IKZF3: variants seen among roughly 807,000 people sequenced by gnomAD.
The protein encoded by IKZF3 is IKAROS family zinc finger 3, also known as zinc finger protein Aiolos.
A neutral mutation model predicts 49.0 loss-of-function variants in IKZF3; 10 were observed. The observed-to-expected ratio is 0.20, with a 90% CI of 0.13 to 0.35. The LOEUF (loss-of-function observed/expected upper bound fraction) is 0.35, where lower values mean the gene tolerates loss of function less well. Among genes scored for constraint, IKZF3 ranks in the 10% least tolerant of loss-of-function variants. The probability of loss-of-function intolerance (pLI) is 1.00; values close to 1 mark genes in which losing one functional copy is unlikely to be tolerated. For missense variants in IKZF3, 498 were observed against 664.8 expected, an observed-to-expected ratio of 0.75 and a Z score of 2.76; for synonymous variants, 209 against 228.2, an observed-to-expected ratio of 0.92 and a Z score of 0.76.
At chr17:39,861,211 C>A (rs999273207) in intron 1 of IKZF3, among the ~76,000 whole-genome samples, 6 of 152,140 alleles carry the variant, frequency 3.9e-5, no homozygotes, top group African/African-American at 1.4e-4. Flanking sequence ...GGAATAAACA[C>A]CTACATCAAT....
At chr17:39,776,299 ATAAGGCAAGC>A (rs1167661846) in intron 7 of IKZF3, among the ~76,000 whole-genome samples, 1 of 152,234 alleles carries the variant, frequency 6.6e-6, no homozygotes, top group Non-Finnish European at 1.5e-5. Context: ...ACTCAGAATA[ATAAGGCAAGC>A]TTTCTTTTGT....
intron 1 of IKZF3, among the ~76,000 whole-genome samples, chr17:39,851,921 T>A (rs1250443891): frequency 2.0e-5 from 3 of 152,144 alleles, no homozygotes; most frequent in Non-Finnish European, 4.4e-5. Context: ...TCTCAAGAGT[T>A]TCTCATGATT....
intron 1 of IKZF3, among the ~76,000 whole-genome samples, chr17:39,841,420 G>T (rs952974926): frequency 1.2e-4 from 18 of 152,082 alleles, no homozygotes; most frequent in African/African-American, 4.3e-4. Context: ...AACTCGAGTG[G>T]GGTGAAGAGG....
intron 4 of IKZF3, among the ~76,000 whole-genome samples, chr17:39,792,127 G>A (rs75796795): frequency 0.035 from 5,374 of 152,034 alleles, 331 homozygotes; most frequent in African/African-American, 0.12. Flanking sequence ...GTCCTTACAA[G>A]GTGTTGAGGG....
intron 1 of IKZF3, among the ~76,000 whole-genome samples, chr17:39,856,725 G>C (rs986104324): frequency 6.6e-6 from 1 of 151,776 alleles, no homozygotes; most frequent in Admixed American, 6.6e-5. Context: ...AGAATTGCTT[G>C]AACCTGGGAG....
intron 3 of IKZF3, among the ~76,000 whole-genome samples, chr17:39,799,698 A>C (rs920245611): frequency 5.3e-5 from 8 of 152,198 alleles, no homozygotes; most frequent in Non-Finnish European, 1.2e-4. Flanking sequence ...CAACATGACT[A>C]ATCACAGTTC....
intron 1 of IKZF3, chr17:39,834,914 C>A (rs990803407): frequency 1.1e-5 from 4 of 348,248 alleles, no homozygotes; most frequent in African/African-American, 8.7e-5. Flanking sequence ...TCCACAGGCT[C>A]TGGAGAAGCC....
intron 6 of IKZF3, among the ~76,000 whole-genome samples, chr17:39,787,462 C>T (rs1231401119): frequency 6.6e-6 from 1 of 152,156 alleles, no homozygotes; most frequent in Admixed American, 6.5e-5. Context: ...AAAGAAAATC[C>T]TTGTAGTTTT....
At position 39,765,729 on chromosome 17, in the gene IKZF3, G is replaced by C; in HGVS notation, c.*61C>G. On this transcript the variant is annotated 3_prime_UTR_variant, in exon 8 of 8. Transcript: ENST00000346872. The stretch of plus-strand genomic sequence containing the variant: ...ATGTTTTGAGAGCAATCTGTTAGGC[G>C]AGGTCATTGGTTTTTAGAAACGATG... 7.9e-7 allele frequency: 1 copy of C among 1,265,972 alleles called. No homozygotes were observed. Among genetic ancestry groups the C allele is most frequent in the Non-Finnish European group, 1.1e-6 (1 of 897,914 alleles). 78.4% of individuals were successfully genotyped at this position (1,265,972 alleles called of 1,614,324 possible).
chr17:39,853,842 A>G (rs958269957), intron 1 of IKZF3, among the ~76,000 whole-genome samples: 3 of 151,940 alleles, frequency 2.0e-5, no homozygotes, highest in Non-Finnish European at 4.4e-5. Flanking sequence ...CTAAAAAAAA[A>G]AAAAAGGAAG....
intron 1 of IKZF3, among the ~76,000 whole-genome samples, chr17:39,847,597 C>T (rs1322236353): frequency 6.6e-6 from 1 of 152,140 alleles, no homozygotes; most frequent in African/African-American, 2.4e-5. Flanking sequence ...AGTTTCCTGA[C>T]CATGGTGAGA....
chr17:39,803,788 C>T (rs1410553662), intron 3 of IKZF3, among the ~76,000 whole-genome samples: 1 of 152,144 alleles, frequency 6.6e-6, no homozygotes, highest in East Asian at 1.9e-4. Context: ...GCTAGGATTA[C>T]AGGCGTGAGC....
At chr17:39,773,066 T>C (rs2060484568) in intron 7 of IKZF3, among the ~76,000 whole-genome samples, 1 of 152,174 alleles carries the variant, frequency 6.6e-6, no homozygotes, top group Non-Finnish European at 1.5e-5. Context: ...TCCACCTGCT[T>C]AGGACTCCCA....
intron 3 of IKZF3, among the ~76,000 whole-genome samples, chr17:39,822,814 C>A (rs1421498346): frequency 6.6e-6 from 1 of 152,168 alleles, no homozygotes; most frequent in East Asian, 1.9e-4. Context: ...GATCTCCTGA[C>A]CTCATGATCT....
At chr17:39,801,727 T>C (rs1305101746) in intron 3 of IKZF3, among the ~76,000 whole-genome samples, 2 of 152,194 alleles carry the variant, frequency 1.3e-5, no homozygotes, top group African/African-American at 2.4e-5. Context: ...TTTTTAGAAC[T>C]AAAGAGTAAG....
intron 3 of IKZF3, among the ~76,000 whole-genome samples, chr17:39,808,944 A>G (rs1319302401): frequency 6.6e-6 from 1 of 152,224 alleles, no homozygotes; most frequent in Non-Finnish European, 1.5e-5. Context: ...AGAAGTTAAC[A>G]AAGAGCCTTT....
chr17:39,776,790 AATC>A lies in IKZF3; in HGVS notation c.826+858_826+860del, dbSNP rs2060601194. Among the ~76,000 whole-genome samples, 3 of 152,340 alleles carry A rather than the reference AATC, an allele frequency of 2.0e-5. No individual in the cohort carries two copies. In the South Asian group the frequency reaches 6.2e-4, roughly 32 times the overall value. The stretch of plus-strand genomic sequence containing the variant: ...TAAATACAAAAGGACTGAAATAAAA[AATC>A]AACAGCGGCAAGCAGCTTTGGAAAA... On this transcript the variant is annotated intron_variant, in intron 7 of 7. Coordinates refer to ENST00000346872, the MANE Select transcript of IKZF3 (RefSeq NM_012481.5).
Position 39,766,221 on chromosome 17 carries a change from G to A in IKZF3, c.1099C>T (p.Pro367Ser). 1 of 1,614,204 alleles carries A rather than the reference G, an allele frequency of 6.2e-7. No homozygotes were observed. The highest frequency in any genetic ancestry group is 8.5e-7 in the Non-Finnish European group (1 of 1,180,042). Reference protein sequence around the residue: ...QELEKKSIHLPEKSVPSERGL... With the variant: ...QELEKKSIHLSEKSVPSERGL... ...CTCTCAGAAGGCACGCTCTTCTCTG[G>A]AAGGTGGATGCTTTTCTTTTCCAGC... The change falls in exon 8 of 8, where the codon CCA becomes TCA. Residue 367 changes from proline to serine, a missense_variant. Physicochemically the swap from Pro to Ser is moderately conservative, Grantham distance 74. This residue lies in a region of IKZF3 where 317 missense variants were observed against 397.3 expected (regional missense o/e 0.80). Transcript: ENST00000346872.
chr17:39,817,289 G>T (rs2061698858), intron 3 of IKZF3, among the ~76,000 whole-genome samples: 1 of 152,086 alleles, frequency 6.6e-6, no homozygotes, highest in African/African-American at 2.4e-5. Flanking sequence ...CAAGTCTTTG[G>T]TTCCTAAAAT....
Sources: allele counts gnomAD v4.1 joint callset (sites outside exome capture counted in the v4.1 genomes callset), GRCh38; gene constraint gnomAD v4.1.1; regional missense constraint gnomAD v4.1.1; transcripts MANE v1.5; gene names NCBI Gene and HGNC (gene_info 2026-07-23, HGNC 2026-07-21).